Variants in CNNM4 observed in about 807,000 individuals in gnomAD.
CNNM4 encodes metal transporter CNNM4.
In CNNM4, 32 loss-of-function variants were observed where a neutral mutation model predicts 53.7. The observed-to-expected ratio is 0.60, with a 90% CI of 0.45 to 0.80. The LOEUF (loss-of-function observed/expected upper bound fraction) is 0.80. CNNM4 is among the 30% of genes least tolerant of loss of function. The probability of loss-of-function intolerance (pLI) is 0.00; values close to 1 mark genes in which losing one functional copy is unlikely to be tolerated. For missense variants in CNNM4, 784 were observed against 1,022.0 expected (o/e 0.77, Z 3.17); for synonymous variants, 410 against 440.0 (o/e 0.93, Z 0.85).
At chr2:96,809,089 G>A (rs965676387) in intron 6 of CNNM4, 20 of 883,312 alleles carry the variant, frequency 2.3e-5, no homozygotes, top group African/African-American at 5.1e-5. Context: ...CGATTTGCCC[G>A]CCTCAGCCTC....
At chr2:96,795,671 C>A (rs1262220883) in intron 1 of CNNM4, among the ~76,000 whole-genome samples, 1 of 152,140 alleles carries the variant, frequency 6.6e-6, no homozygotes, top group Non-Finnish European at 1.5e-5. Flanking sequence ...AGGATGAGTT[C>A]TTTAGTCCCT....
chr2:96,799,928 T>C (rs2153349904), intron 5 of CNNM4, among the ~76,000 whole-genome samples: 1 of 152,084 alleles, frequency 6.6e-6, no homozygotes, highest in African/African-American at 2.4e-5. Context: ...CCAGAGGTTG[T>C]GAGGAGACCA....
At chr2:96,774,121 C>G (rs1375744433) in intron 1 of CNNM4, among the ~76,000 whole-genome samples, 1 of 152,180 alleles carries the variant, frequency 6.6e-6, no homozygotes, top group Admixed American at 6.5e-5. Flanking sequence ...CATGTTCCGA[C>G]TGCAGGAGCG....
intron 1 of CNNM4, among the ~76,000 whole-genome samples, chr2:96,767,961 A>G (rs1022804673): frequency 6.6e-6 from 1 of 152,212 alleles, no homozygotes; most frequent in African/African-American, 2.4e-5. Flanking sequence ...AATCCCAGCT[A>G]CTGGGGTGGC....
chr2:96,809,231 G>A, intron 6 of CNNM4, 89 bp from the exon 7 acceptor site: 1 of 1,578,018 alleles, frequency 6.3e-7, no homozygotes, highest in Non-Finnish European at 8.6e-7. Flanking sequence ...TCAACTCACA[G>A]CCTCAATCCT....
rs756548433 is a variant in CNNM4 at position 96,809,545 on chromosome 2, C to T, written c.*28C>T. 7 of 1,600,876 alleles carry T rather than the reference C, an allele frequency of 4.4e-6. No individual in the cohort carries two copies. The highest frequency in any genetic ancestry group is 1.1e-5 in the South Asian group (1 of 90,738). On this transcript the variant is annotated 3_prime_UTR_variant, in exon 7 of 7. Coordinates refer to ENST00000377075, the MANE Select transcript of CNNM4 (RefSeq NM_020184.4). ...GGAGGGCCCGGGGCCCCCTGCCCAC[C>T]CTGCGGGGGCCTCCCCAGTGGGCCC...
At position 96,775,749 on chromosome 2, in the gene CNNM4, G is replaced by A. The variant is rs2153345816; in HGVS notation, c.1402+13348G>A. On this transcript the variant is annotated intron_variant, in intron 1 of 6. Transcript: ENST00000377075. The stretch of plus-strand genomic sequence containing the variant: ...TTGTTTTTGTTTTGTTTTTGTTTTT[G>A]TTTTGTCTCTCTGTCATCCAGGCTG... Among the ~76,000 whole-genome samples, 2 of 152,168 alleles carry A rather than the reference G, an allele frequency of 1.3e-5. 1 individual carries two copies. The highest frequency in any genetic ancestry group is 4.2e-4 in the South Asian group (2 of 4,816).
Position 96,761,125 on chromosome 2 carries a change from G to A in CNNM4, c.126G>A (p.Gln42=), listed in dbSNP as rs1304120142. 6.3e-7 allele frequency: 1 copy of A among 1,590,008 alleles called. No homozygotes were observed. The highest frequency in any genetic ancestry group is 2.2e-5 in the East Asian group (1 of 44,540). The change falls in exon 1 of 7, where the codon CAG becomes CAA. Residue 42 remains glutamine (Q), a synonymous_variant. Coordinates refer to ENST00000377075, the MANE Select transcript of CNNM4 (RefSeq NM_020184.4). This position sits in a 1 kb window ranked among gnomAD's most constrained non-coding sequence, Gnocchi z 6.0. Reference sequence around the variant, plus strand: ...GGGCCCGGGGCCAGGGCAGCCCCCAGCAGGGCACGATCGTGGGCATGAGGC... The same window carrying A: ...GGGCCCGGGGCCAGGGCAGCCCCCAACAGGGCACGATCGTGGGCATGAGGC... The part of the protein sequence containing the change: ...ALGARGQGSP[Q]QGTIVGMRLA...
chr2:96,766,996 GT>G (rs1468353307), intron 1 of CNNM4, among the ~76,000 whole-genome samples: 1 of 152,140 alleles, frequency 6.6e-6, no homozygotes, highest in Non-Finnish European at 1.5e-5. Flanking sequence ...GTGATGCATG[GT>G]TCCTCTCCAT....
Position 96,797,634 on chromosome 2 carries a change from C to T in CNNM4, c.1668C>T (p.Arg556=). The T allele has an allele frequency of 6.2e-7, 1 of 1,614,090 alleles. No individual in the cohort carries two copies. Among genetic ancestry groups the T allele is most frequent in the Non-Finnish European group, 8.5e-7 (1 of 1,180,046 alleles). The change falls in exon 3 of 7, where the codon CGC becomes CGT. Residue 556 remains arginine (R), a synonymous_variant. Transcript: ENST00000377075. This position sits in a 1 kb window ranked among gnomAD's most constrained non-coding sequence, Gnocchi z 6.0. ...CGCAGCTCCTCCTGGCCGCTCATCGCTTCCTAGCCACAGGTAGCATGAGGA... is the reference window on the plus strand; with the variant it reads ...CGCAGCTCCTCCTGGCCGCTCATCGTTTCCTAGCCACAGGTAGCATGAGGA... The part of the protein sequence containing the change: ...ISPQLLLAAH[R]FLATEVSQFS...
intron 1 of CNNM4, among the ~76,000 whole-genome samples, chr2:96,769,228 G>A (rs1213273125): frequency 6.6e-6 from 1 of 151,736 alleles, no homozygotes; most frequent in Non-Finnish European, 1.5e-5. Context: ...TCCAGCCTGG[G>A]CAACAGAGCG....
At chr2:96,762,690 C>G (rs1412750298) in intron 1 of CNNM4, among the ~76,000 whole-genome samples, 1 of 152,010 alleles carries the variant, frequency 6.6e-6, no homozygotes, top group Non-Finnish European at 1.5e-5. Flanking sequence ...TGAAGCAAGA[C>G]AGAGTAAGAC....
chr2:96,771,735 A>G (rs1160773556), intron 1 of CNNM4, among the ~76,000 whole-genome samples: 1 of 152,100 alleles, frequency 6.6e-6, no homozygotes, highest in Admixed American at 6.6e-5. Context: ...AAAGAAAGAA[A>G]AAAGAAAGAA....
chr2:96,778,343 G>T (rs1011466044), intron 1 of CNNM4, among the ~76,000 whole-genome samples: 1 of 151,398 alleles, frequency 6.6e-6, no homozygotes, highest in Non-Finnish European at 1.5e-5. Context: ...AGATCACAAG[G>T]TCAGGAGTTC....
rs1204144412 is a variant in CNNM4, at chr2:96,805,443, A to AT, written c.1949-3109dup. ...GTTTTTTTTTTTTTTTTTTTTTATT[A>AT]TTTTTTTTTAAATTTATTTTTTTAT... On this transcript the variant is annotated intron_variant, in intron 5 of 6. Coordinates refer to ENST00000377075, the MANE Select transcript of CNNM4 (RefSeq NM_020184.4). Among the ~76,000 whole-genome samples the AT allele has an allele frequency of 2.6e-3, 192 of 73,694 alleles. 1 individual carries two copies. Among genetic ancestry groups the AT allele is most frequent in the African/African-American group, 5.9e-3 (116 of 19,556 alleles). 48.3% of individuals were successfully genotyped at this position (73,694 alleles called of 152,430 possible). A position where few individuals can be genotyped will look rare whatever the true frequency, so the allele number is the denominator to read the frequency against.
chr2:96,761,467 C>T lies in CNNM4; in HGVS notation c.468C>T (p.Pro156=), dbSNP rs1553474528. The change falls in exon 1 of 7, where the codon CCC becomes CCT. Residue 156 remains proline, a synonymous_variant. Transcript: ENST00000377075. This position sits in a 1 kb window ranked among gnomAD's most constrained non-coding sequence, Gnocchi z 6.0. The part of the protein sequence containing the change: ...KLYALCTRAQ[P]DGPWLKWTDK... Reference sequence around the variant, plus strand: ...ATGCACTGTGCACCCGGGCCCAGCCCGACGGGCCCTGGCTGAAGTGGACGG... The same window carrying T: ...ATGCACTGTGCACCCGGGCCCAGCCTGACGGGCCCTGGCTGAAGTGGACGG... 6.2e-7 allele frequency: 1 copy of T among 1,614,118 alleles called. No homozygotes were observed. Among genetic ancestry groups the T allele is most frequent in the South Asian group, 1.1e-5 (1 of 91,080 alleles).
Position 96,761,457 on chromosome 2 carries a change from G to C in CNNM4, c.458G>C (p.Arg153Pro), listed in dbSNP as rs768290533. 2 of 1,614,116 alleles carry C rather than the reference G, an allele frequency of 1.2e-6. No individual in the cohort carries two copies. Among genetic ancestry groups the C allele is most frequent in the South Asian group, 2.2e-5 (2 of 91,084 alleles). Residue 153 changes from arginine (R) to proline (P), a missense_variant, in exon 1 of 7, where the codon CGG becomes CCG. Physicochemically the swap from Arg to Pro is moderately radical, Grantham distance 103. Around this residue, in one of 3 missense-constraint regions of CNNM4, gnomAD observed 473 missense variants for 624.6 expected, o/e 0.76. Coordinates refer to ENST00000377075, the MANE Select transcript of CNNM4 (RefSeq NM_020184.4). This position sits in a 1 kb window ranked among gnomAD's most constrained non-coding sequence, Gnocchi z 6.0. ...ATGAAGCTGTATGCACTGTGCACCC[G>C]GGCCCAGCCCGACGGGCCCTGGCTG... ...ESMKLYALCTRAQPDGPWLKW... is the reference protein window; with the variant it reads ...ESMKLYALCTPAQPDGPWLKW...
At chr2:96,790,252 C>T (rs942349166) in intron 1 of CNNM4, among the ~76,000 whole-genome samples, 18 of 151,792 alleles carry the variant, frequency 1.2e-4, no homozygotes, top group Middle Eastern at 3.4e-3. Context: ...GTGATCCACG[C>T]GCCTCGGTCT....
At chr2:96,767,187 T>C (rs1156395396) in intron 1 of CNNM4, among the ~76,000 whole-genome samples, 1 of 152,218 alleles carries the variant, frequency 6.6e-6, no homozygotes, top group East Asian at 1.9e-4. Flanking sequence ...GCAGCACTTC[T>C]GTCTCCCAGC....
Sources: allele counts gnomAD v4.1 joint callset (sites outside exome capture counted in the v4.1 genomes callset), GRCh38; gene constraint gnomAD v4.1.1; regional missense constraint gnomAD v4.1.1; non-coding constraint Gnocchi (gnomAD v3.1); transcripts MANE v1.5; gene names NCBI Gene and HGNC (gene_info 2026-07-23, HGNC 2026-07-21).